Variants in DROSHA observed in about 807,000 individuals in gnomAD.
The protein encoded by DROSHA is ribonuclease 3.
A neutral mutation model predicts 181.9 loss-of-function variants in DROSHA; 56 were observed. That is an observed-to-expected ratio of 0.31 (90% confidence interval 0.25 to 0.38). The LOEUF (loss-of-function observed/expected upper bound fraction) is 0.38, where lower values mean the gene tolerates loss of function less well. Among genes scored for constraint, DROSHA ranks in the 10% least tolerant of loss-of-function variants. The pLI, the probability that DROSHA is intolerant of heterozygous loss-of-function variation, is 1.00. For missense variants in DROSHA, 1,218 were observed against 1,743.5 expected, an observed-to-expected ratio of 0.70 and a Z score of 5.37; for synonymous variants, 524 against 591.2, an observed-to-expected ratio of 0.89 and a Z score of 1.65.
chr5:31,419,192 G>A (rs1742337213), intron 30 of DROSHA, among the ~76,000 whole-genome samples: 1 of 152,176 alleles, frequency 6.6e-6, no homozygotes, highest in Non-Finnish European at 1.5e-5. Flanking sequence ...GGAGGGAGCA[G>A]CCATGTTAAT....
At chr5:31,459,208 TC>T (rs1248913970) in intron 20 of DROSHA, among the ~76,000 whole-genome samples, 1 of 152,176 alleles carries the variant, frequency 6.6e-6, no homozygotes, top group Non-Finnish European at 1.5e-5. Context: ...TTCTCTTGCA[TC>T]TTGTATGTTT....
At chr5:31,507,514 CT>C (rs1738132711) in intron 10 of DROSHA, among the ~76,000 whole-genome samples, 1 of 149,848 alleles carries the variant, frequency 6.7e-6, no homozygotes, top group African/African-American at 2.4e-5. Flanking sequence ...GTCCTAGATA[CT>C]TGGGAGGCTG....
chr5:31,465,306 T>C (rs534038874), intron 19 of DROSHA, among the ~76,000 whole-genome samples: 3 of 152,196 alleles, frequency 2.0e-5, no homozygotes, highest in Non-Finnish European at 4.4e-5. Flanking sequence ...TATCCTGGAT[T>C]ACAGGGATAA....
At chr5:31,489,515 T>C (rs1295410203) in intron 13 of DROSHA, among the ~76,000 whole-genome samples, 3 of 152,202 alleles carry the variant, frequency 2.0e-5, no homozygotes, top group African/African-American at 7.2e-5. Context: ...GAGCTTGTTA[T>C]TTTGCTACAC....
At chr5:31,518,596 T>A (rs1739526323) in intron 6 of DROSHA, among the ~76,000 whole-genome samples, 1 of 152,212 alleles carries the variant, frequency 6.6e-6, no homozygotes, top group South Asian at 2.1e-4. Context: ...CTAGGGACTC[T>A]TTTTGGTTTG....
chr5:31,424,465 G>A lies in DROSHA; in HGVS notation c.3223C>T (p.Arg1075Cys), dbSNP rs376727217. 26 of 1,593,366 alleles carry A rather than the reference G, an allele frequency of 1.6e-5. No individual in the cohort carries two copies. The highest frequency in any genetic ancestry group is 3.4e-5 in the South Asian group (3 of 87,014). ...AGAGGATAATTGAGCCAGACTTCGC[G>A]CAGGTCCTGGAAAATGGAGTGATGC... ...GRLLFNDPDL[R>C]EVWLNYPLHP... The change falls in exon 28 of 36, where the codon CGC (arginine) becomes TGC (cysteine). Residue 1075 changes from arginine to cysteine, a missense_variant. By Grantham distance (180) the Arg-to-Cys change is radical. Coordinates refer to ENST00000344624, the MANE Select transcript of DROSHA (RefSeq NM_001382508.1).
At position 31,498,856 on chromosome 5, in the gene DROSHA, C is replaced by CAA. The variant is rs199855344; in HGVS notation, c.1669-3486_1669-3485dup. Among the ~76,000 whole-genome samples, 19 of 140,380 alleles carry CAA rather than the reference C, an allele frequency of 1.4e-4. No individual in the cohort carries two copies. The South Asian group carries it at 3.0e-3, about 22-fold the overall frequency. 92.1% of individuals were successfully genotyped at this position (140,380 alleles called of 152,430 possible). On this transcript the variant is annotated intron_variant, in intron 11 of 35. Coordinates refer to ENST00000344624, the MANE Select transcript of DROSHA (RefSeq NM_001382508.1). ...CGGGCAACAAGACAAAACTCTGTAT[C>CAA]AAAAAAAAAAAAGACGAGAAAAGGC... is the stretch of plus-strand genomic sequence containing the variant.
At chr5:31,445,776 T>C (rs1395979962) in intron 23 of DROSHA, among the ~76,000 whole-genome samples, 1 of 152,220 alleles carries the variant, frequency 6.6e-6, no homozygotes, top group Non-Finnish European at 1.5e-5. Flanking sequence ...AGAAGAGACC[T>C]TCTTTACTCT....
chr5:31,418,427 C>G (rs1742243600), intron 30 of DROSHA, among the ~76,000 whole-genome samples: 1 of 152,088 alleles, frequency 6.6e-6, no homozygotes. Flanking sequence ...TGCCACTCTA[C>G]CAAGCTAGTT....
intron 11 of DROSHA, among the ~76,000 whole-genome samples, chr5:31,496,513 G>A (rs1752995884): frequency 6.6e-6 from 1 of 152,242 alleles, no homozygotes; most frequent in East Asian, 1.9e-4. Context: ...GTCCCATGGA[G>A]GTGGCAGCTG....
chr5:31,445,852 C>T (rs1351256873), intron 23 of DROSHA, among the ~76,000 whole-genome samples: 1 of 152,182 alleles, frequency 6.6e-6, no homozygotes, highest in Non-Finnish European at 1.5e-5. Flanking sequence ...CTGAATGCTT[C>T]CTACTGAGAT....
intron 14 of DROSHA, among the ~76,000 whole-genome samples, chr5:31,485,531 T>C (rs773592433): frequency 1.3e-5 from 2 of 151,986 alleles, no homozygotes; most frequent in Non-Finnish European, 2.9e-5. Context: ...CTCCTACTTG[T>C]TTTGCTCGGA....
At chr5:31,477,872 C>T (rs546341852) in intron 16 of DROSHA, among the ~76,000 whole-genome samples, 1 of 152,184 alleles carries the variant, frequency 6.6e-6, no homozygotes, top group Non-Finnish European at 1.5e-5. Context: ...TCTCAATAAA[C>T]TGATTGCTCT....
chr5:31,466,771 A>G (rs1749061078), intron 18 of DROSHA, among the ~76,000 whole-genome samples: 1 of 152,348 alleles, frequency 6.6e-6, no homozygotes, highest in African/African-American at 2.4e-5. Flanking sequence ...CCCAAGCTAC[A>G]TAGCTGTATC....
chr5:31,458,304 C>G (rs1006462190), intron 20 of DROSHA, among the ~76,000 whole-genome samples: 2 of 152,162 alleles, frequency 1.3e-5, no homozygotes, highest in African/African-American at 4.8e-5. Context: ...CAACTATTTT[C>G]CATCACCATA....
Position 31,422,873 on chromosome 5 carries a change from T to C in DROSHA, c.3333A>G (p.Glu1111=). The change falls in exon 29 of 36, where the codon GAA becomes GAG. Residue 1111 remains glutamate, a synonymous_variant. Transcript: ENST00000344624. The stretch of plus-strand genomic sequence containing the variant: ...GAGTAAAAATTACTCCAATTGCTTC[T>C]TCAAACTCAGTAAGTTTTTGTAGAA... ...SPVLQKLTEF[E]EAIGVIFTHV... 1 of 1,613,472 alleles carries C rather than the reference T, an allele frequency of 6.2e-7. No homozygotes were observed. The highest frequency in any genetic ancestry group is 1.1e-5 in the South Asian group (1 of 90,956).
intron 5 of DROSHA, among the ~76,000 whole-genome samples, chr5:31,521,481 T>C (rs1215311735): frequency 6.6e-6 from 1 of 152,354 alleles, no homozygotes; most frequent in East Asian, 1.9e-4. Context: ...GGGAATTTTA[T>C]CCTAATCTTC....
intron 4 of DROSHA, chr5:31,527,698 A>T (rs1315241302): frequency 6.6e-6 from 1 of 152,604 alleles, no homozygotes; most frequent in African/African-American, 2.4e-5. Context: ...CCTGCAAGGC[A>T]GGAGGAGGGC....
intron 33 of DROSHA, among the ~76,000 whole-genome samples, chr5:31,408,039 C>T (rs1740862103): frequency 6.6e-6 from 1 of 152,106 alleles, no homozygotes; most frequent in Admixed American, 6.6e-5. Context: ...TTTATAGTAG[C>T]TTGCTGTGGG....
Sources: allele counts gnomAD v4.1 joint callset (sites outside exome capture counted in the v4.1 genomes callset), GRCh38; gene constraint gnomAD v4.1.1; transcripts MANE v1.5; gene names NCBI Gene and HGNC (gene_info 2026-07-23, HGNC 2026-07-21).